FAT3: variants seen among roughly 807,000 people sequenced by gnomAD.
FAT3 encodes protocadherin Fat 3.
FAT3 carries 95 observed loss-of-function variants against 310.2 expected under a neutral mutation model. The observed-to-expected ratio is 0.31, with a 90% CI of 0.26 to 0.36. The LOEUF (loss-of-function observed/expected upper bound fraction) is 0.36, where lower values mean the gene tolerates loss of function less well. FAT3 is among the 10% of genes least tolerant of loss of function. The probability of loss-of-function intolerance (pLI) is 1.00; values close to 1 mark genes in which losing one functional copy is unlikely to be tolerated. For synonymous variants in FAT3, 2,314 were observed against 2,192.9 expected (o/e 1.06, Z -1.54); for missense variants, 5,408 against 5,715.6 (o/e 0.95, Z 1.74).
intron 1 of FAT3, among the ~76,000 whole-genome samples, chr11:92,350,494 T>C (rs1461918348): frequency 6.6e-6 from 1 of 152,166 alleles, no homozygotes; most frequent in Non-Finnish European, 1.5e-5. Context: ...TCATTAGAAT[T>C]AAATTATGTC....
At chr11:92,629,966 G>GT (rs1004825917) in intron 3 of FAT3, among the ~76,000 whole-genome samples, 5 of 152,068 alleles carry the variant, frequency 3.3e-5, no homozygotes, top group Admixed American at 6.5e-5. Flanking sequence ...CCAAATCTTT[G>GT]TTTTTTTTAG....
chr11:92,862,912 A>C (rs1456140738), intron 21 of FAT3, among the ~76,000 whole-genome samples: 1 of 152,172 alleles, frequency 6.6e-6, no homozygotes, highest in Non-Finnish European at 1.5e-5. Context: ...ACAGCCAGTC[A>C]ATATCACTTT....
At chr11:92,827,676 C>T (rs1485746267) in intron 13 of FAT3, among the ~76,000 whole-genome samples, 5 of 152,144 alleles carry the variant, frequency 3.3e-5, no homozygotes, top group Admixed American at 6.5e-5. Context: ...ATAAACCTTC[C>T]GAGAGGCAGA....
chr11:92,320,741 A>G (rs1390383965), intron 1 of FAT3, among the ~76,000 whole-genome samples: 1 of 151,962 alleles, frequency 6.6e-6, no homozygotes, highest in African/African-American at 2.4e-5. Context: ...ATGGTGGCAC[A>G]TACCTGCAAT....
At position 92,882,935 on chromosome 11, in the gene FAT3, T is replaced by G. The variant is rs1949708008; in HGVS notation, c.12479T>G (p.Val4160Gly). 2 of 1,613,444 alleles carry G rather than the reference T, an allele frequency of 1.2e-6. No homozygotes were observed. Among genetic ancestry groups the G allele is most frequent in the Middle Eastern group, 1.7e-4 (1 of 6,060 alleles). Residue 4160 changes from valine (V) to glycine (G), a missense_variant, in exon 24 of 28, where the codon GTG becomes GGG. Val to Gly is a moderately radical substitution (Grantham distance 109). Around this residue, in one of 5 missense-constraint regions of FAT3, gnomAD observed 649 missense variants for 666.2 expected, o/e 0.97. Transcript: ENST00000525166. ...AAGGAGGAGCTCATCGGCATCGCCG[T>G]GGTCCTCTTCGTCATCTTCATCCTG... ...VGKEELIGIA[V>G]VLFVIFILVV...
intron 13 of FAT3, among the ~76,000 whole-genome samples, chr11:92,828,323 A>T (rs887458298): frequency 3.3e-5 from 5 of 152,136 alleles, no homozygotes; most frequent in African/African-American, 1.2e-4. Context: ...TATGCTTCTG[A>T]CTTTATTTCT....
At chr11:92,392,035 A>C (rs536041155) in intron 2 of FAT3, among the ~76,000 whole-genome samples, 7 of 152,244 alleles carry the variant, frequency 4.6e-5, no homozygotes, top group Admixed American at 2.6e-4. Flanking sequence ...CTTTACACTC[A>C]GGGTAGAAGC....
rs185328405 is a variant in FAT3 at position 92,805,997 on chromosome 11, T to A, written c.9094-365T>A. Among the ~76,000 whole-genome samples the A allele has an allele frequency of 2.2e-3, 339 of 152,304 alleles. 1 individual carries two copies. The highest frequency in any genetic ancestry group is 7.7e-3 in the African/African-American group (319 of 41,566). On this transcript the variant is annotated intron_variant, in intron 11 of 27. Coordinates refer to ENST00000525166, the MANE Select transcript of FAT3 (RefSeq NM_001367949.2). ...TGGCTCTTTAAAGAGTTGAAGAGAATTCCTAGGACTTACTGGGGCTCAAGA... is the reference window on the plus strand; with the variant it reads ...TGGCTCTTTAAAGAGTTGAAGAGAAATCCTAGGACTTACTGGGGCTCAAGA...
chr11:92,394,883 T>C (rs1003117334), intron 2 of FAT3, among the ~76,000 whole-genome samples: 1 of 152,218 alleles, frequency 6.6e-6, no homozygotes, highest in Non-Finnish European at 1.5e-5. Flanking sequence ...GTTCTTTTCC[T>C]ACACTGCCTA....
chr11:92,746,980 T>C, intron 4 of FAT3, among the ~76,000 whole-genome samples: 1 of 152,142 alleles, frequency 6.6e-6, no homozygotes, highest in Non-Finnish European at 1.5e-5. Flanking sequence ...ACTGACATTG[T>C]GTCTGCAGCT....
intron 3 of FAT3, among the ~76,000 whole-genome samples, chr11:92,575,068 C>T (rs181574251): frequency 6.9e-4 from 105 of 152,250 alleles, no homozygotes; most frequent in African/African-American, 2.4e-3. Flanking sequence ...ATATGACTGT[C>T]CTTGTTATTT....
chr11:92,542,417 T>C (rs374588453), intron 3 of FAT3, among the ~76,000 whole-genome samples: 7 of 151,874 alleles, frequency 4.6e-5, no homozygotes, highest in African/African-American at 1.7e-4. Flanking sequence ...TGAGAAAATA[T>C]TTGTAAGCTA....
chr11:92,807,316 G>A (rs1947530236), intron 12 of FAT3, among the ~76,000 whole-genome samples: 1 of 152,134 alleles, frequency 6.6e-6, no homozygotes, highest in African/African-American at 2.4e-5. Context: ...GCATGTCAAA[G>A]CACCATACTT....
intron 2 of FAT3, among the ~76,000 whole-genome samples, chr11:92,398,398 G>A (rs1949931116): frequency 6.6e-6 from 1 of 151,696 alleles, no homozygotes; most frequent in Admixed American, 6.6e-5. Context: ...CTACTTGGGA[G>A]GCTGAGGCAG....
chr11:92,356,425 T>C (rs1343105230), intron 2 of FAT3, among the ~76,000 whole-genome samples: 1 of 152,220 alleles, frequency 6.6e-6, no homozygotes, highest in Non-Finnish European at 1.5e-5. Flanking sequence ...CAAGCTGCTA[T>C]AGCAAAATAC....
intron 3 of FAT3, among the ~76,000 whole-genome samples, chr11:92,528,814 A>G (rs1401442258): frequency 6.6e-6 from 1 of 152,238 alleles, no homozygotes; most frequent in Non-Finnish European, 1.5e-5. Context: ...TGGAAACCCC[A>G]TAGTACAGGG....
intron 1 of FAT3, among the ~76,000 whole-genome samples, chr11:92,255,005 C>G (rs1474400880): frequency 1.3e-5 from 2 of 152,122 alleles, no homozygotes; most frequent in Admixed American, 1.3e-4. Flanking sequence ...CTCACCCAGC[C>G]ACTCATTGTT....
intron 4 of FAT3, among the ~76,000 whole-genome samples, chr11:92,733,863 C>T (rs771358689): frequency 1.3e-5 from 2 of 152,118 alleles, no homozygotes; most frequent in Non-Finnish European, 2.9e-5. Context: ...ATAAATACTT[C>T]TTGATATTCT....
intron 4 of FAT3, among the ~76,000 whole-genome samples, chr11:92,702,637 G>T (rs1358337000): frequency 6.6e-6 from 1 of 152,134 alleles, no homozygotes; most frequent in Non-Finnish European, 1.5e-5. Context: ...TTCCTGGACT[G>T]GCTCCAGCAG....
Sources: allele counts gnomAD v4.1 joint callset (sites outside exome capture counted in the v4.1 genomes callset), GRCh38; gene constraint gnomAD v4.1.1; regional missense constraint gnomAD v4.1.1; transcripts MANE v1.5; gene names NCBI Gene and HGNC (gene_info 2026-07-23, HGNC 2026-07-21).